HSD17B12: variants seen among roughly 807,000 people sequenced by gnomAD.
HSD17B12 encodes hydroxysteroid 17-beta dehydrogenase 12.
A neutral mutation model predicts 39.3 loss-of-function variants in HSD17B12; 32 were observed. The observed-to-expected ratio is 0.81, with a 90% CI of 0.61 to 1.09. The LOEUF is 1.09. HSD17B12 is among the 50% of genes least tolerant of loss of function. The probability of loss-of-function intolerance (pLI) is 0.00; values close to 1 mark genes in which losing one functional copy is unlikely to be tolerated. For missense variants in HSD17B12, 342 were observed against 382.9 expected, an observed-to-expected ratio of 0.89 and a Z score of 0.89; for synonymous variants, 150 against 146.7, an observed-to-expected ratio of 1.02 and a Z score of -0.16.
At chr11:43,600,824 G>A in the HSD17B12 span, among the ~76,000 whole-genome samples, 5 of 151,758 alleles carry the variant, frequency 3.3e-5, no homozygotes, top group South Asian at 2.1e-4. Flanking sequence ...TGTATGGCAC[G>A]TAATAAGGAC....
At chr11:43,774,171 T>A (rs989868069) in intron 3 of HSD17B12, among the ~76,000 whole-genome samples, 5 of 152,140 alleles carry the variant, frequency 3.3e-5, no homozygotes, top group Admixed American at 6.5e-5. Context: ...CCAATTTTTT[T>A]AAAGAATTTT....
intron 1 of HSD17B12, among the ~76,000 whole-genome samples, chr11:43,740,383 C>A (rs1384683604): frequency 6.6e-6 from 1 of 151,938 alleles, no homozygotes; most frequent in African/African-American, 2.4e-5. Context: ...TTTTATTGAC[C>A]GTTTACGCTT....
the HSD17B12 span, among the ~76,000 whole-genome samples, chr11:43,658,243 C>G: frequency 2.6e-5 from 4 of 152,176 alleles, no homozygotes; most frequent in African/African-American, 4.8e-5. Flanking sequence ...GTTTTCAGCT[C>G]AGGTCCTTTT....
At chr11:43,650,923 A>G in the HSD17B12 span, among the ~76,000 whole-genome samples, 2 of 152,198 alleles carry the variant, frequency 1.3e-5, no homozygotes, top group Admixed American at 1.3e-4. Context: ...TTAGTTACTT[A>G]GTAGCTATCT....
intron 1 of HSD17B12, among the ~76,000 whole-genome samples, chr11:43,699,872 C>T (rs996906673): frequency 6.6e-6 from 1 of 152,186 alleles, no homozygotes; most frequent in African/African-American, 2.4e-5. Flanking sequence ...GAAAAAGGTG[C>T]TCAACATCAC....
intron 9 of HSD17B12, among the ~76,000 whole-genome samples, chr11:43,840,522 C>A (rs899543789): frequency 6.6e-6 from 1 of 152,144 alleles, no homozygotes; most frequent in Non-Finnish European, 1.5e-5. Context: ...ACTCTGTACC[C>A]ATCAAACATG....
the HSD17B12 span, among the ~76,000 whole-genome samples, chr11:43,631,886 C>G: frequency 2.1e-4 from 32 of 152,200 alleles, no homozygotes; most frequent in African/African-American, 7.5e-4. Flanking sequence ...AGGTACCCTC[C>G]GTTTTGCCCC....
At chr11:43,692,682 C>T (rs1278581170) in intron 1 of HSD17B12, among the ~76,000 whole-genome samples, 3 of 152,146 alleles carry the variant, frequency 2.0e-5, no homozygotes, top group South Asian at 2.1e-4. Flanking sequence ...AAGACTAATT[C>T]GTGAAAAATT....
intron 4 of HSD17B12, among the ~76,000 whole-genome samples, chr11:43,813,090 C>T (rs2135074046): frequency 6.6e-6 from 1 of 152,284 alleles, no homozygotes; most frequent in East Asian, 1.9e-4. Context: ...ATCCGCCTGC[C>T]TCAGTCTCCC....
chr11:43,690,369 T>TATATAG (rs1949843368), intron 1 of HSD17B12, among the ~76,000 whole-genome samples: 1 of 13,696 alleles, frequency 7.3e-5, no homozygotes. Flanking sequence ...TACATATATA[T>TATATAG]ATATATATAT....
chr11:43,660,340 C>A, the HSD17B12 span, among the ~76,000 whole-genome samples: 1 of 152,126 alleles, frequency 6.6e-6, no homozygotes, highest in Non-Finnish European at 1.5e-5. Flanking sequence ...TCCCTCAGAC[C>A]CTCCACTTGA....
chr11:43,596,842 A>G, the HSD17B12 span, among the ~76,000 whole-genome samples: 1 of 152,144 alleles, frequency 6.6e-6, no homozygotes, highest in Non-Finnish European at 1.5e-5. Flanking sequence ...CATTTCTTTC[A>G]TCAAGTCCCC....
chr11:43,580,364 G>A, the HSD17B12 span, among the ~76,000 whole-genome samples: 18 of 146,774 alleles, frequency 1.2e-4, no homozygotes, highest in African/African-American at 3.5e-4. Context: ...TCTGCAGAAT[G>A]GGTAGAGAGT....
At chr11:43,703,708 G>GCATA (rs1949988289) in intron 1 of HSD17B12, among the ~76,000 whole-genome samples, 1 of 152,012 alleles carries the variant, frequency 6.6e-6, no homozygotes, top group Non-Finnish European at 1.5e-5. Flanking sequence ...TTGGCATATA[G>GCATA]TTACTCATAG....
intron 6 of HSD17B12, among the ~76,000 whole-genome samples, chr11:43,820,466 G>A (rs773571330): frequency 2.6e-5 from 4 of 152,148 alleles, no homozygotes; most frequent in Non-Finnish European, 5.9e-5. Context: ...ACTGTGTTAC[G>A]TTGCCAGGGC....
chr11:43,659,120 T>C, the HSD17B12 span, among the ~76,000 whole-genome samples: 2 of 152,226 alleles, frequency 1.3e-5, no homozygotes, highest in African/African-American at 2.4e-5. Flanking sequence ...GCCTCGCTGC[T>C]GCCTTGCAGT....
upstream of HSD17B12, among the ~76,000 whole-genome samples, chr11:43,679,140 A>G (rs1388656410): frequency 1.3e-5 from 2 of 152,198 alleles, no homozygotes; most frequent in African/African-American, 2.4e-5. Context: ...CTCCTTGAAG[A>G]GGTCCTTCAC....
At chr11:43,807,528 A>C (rs1002941857) in intron 4 of HSD17B12, among the ~76,000 whole-genome samples, 1 of 152,238 alleles carries the variant, frequency 6.6e-6, no homozygotes. Flanking sequence ...AAAGTCTGAG[A>C]AAACCAAGAC....
At chr11:43,621,118 A>G in the HSD17B12 span, among the ~76,000 whole-genome samples, 3 of 152,224 alleles carry the variant, frequency 2.0e-5, no homozygotes, top group Non-Finnish European at 4.4e-5. Flanking sequence ...CAGGAAGGCT[A>G]TGGCTGCATG....
Sources: gnomAD v4.1 joint callset for allele counts (sites outside exome capture counted in the v4.1 genomes callset) on GRCh38, gnomAD v4.1.1 for gene constraint, MANE v1.5 for transcripts, NCBI Gene and HGNC (gene_info 2026-07-23, HGNC 2026-07-21) for gene names.